Variants in KAZN observed in about 807,000 individuals in gnomAD.
KAZN encodes kazrin, periplakin interacting protein, also known as kazrin.
In KAZN, 40 loss-of-function variants were observed where a neutral mutation model predicts 87.4. That is an observed-to-expected ratio of 0.46 (90% CI 0.36 to 0.60). The LOEUF is 0.60. Ranked by LOEUF, KAZN falls within the 20% of genes least tolerant of loss-of-function variation. The probability of loss-of-function intolerance (pLI) is 0.00; values close to 1 mark genes in which losing one functional copy is unlikely to be tolerated. For synonymous variants in KAZN, 466 were observed against 458.3 expected (o/e 1.02, Z -0.22); for missense variants, 898 against 1,073.9 (o/e 0.84, Z 2.29).
chr1:15,004,535 G>T (rs190859906), intron 2 of KAZN, among the ~76,000 whole-genome samples: 1 of 152,192 alleles, frequency 6.6e-6, no homozygotes, highest in Non-Finnish European at 1.5e-5. Context: ...ACTTCTTCAG[G>T]GTGTTTTGAG....
At chr1:14,814,542 T>G (rs1365047422) in intron 1 of KAZN, among the ~76,000 whole-genome samples, 1 of 152,224 alleles carries the variant, frequency 6.6e-6, no homozygotes, top group Non-Finnish European at 1.5e-5. Flanking sequence ...TGGTCCCTGC[T>G]GCCAGTCTCT....
intron 2 of KAZN, among the ~76,000 whole-genome samples, chr1:14,551,017 T>C (rs970434276): frequency 6.6e-6 from 1 of 152,004 alleles, no homozygotes; most frequent in African/African-American, 2.4e-5. Context: ...CCCAGAAATA[T>C]TACTTTATCC....
intron 8 of KAZN, among the ~76,000 whole-genome samples, chr1:15,069,553 G>A (rs768341033): frequency 6.6e-6 from 1 of 152,220 alleles, no homozygotes; most frequent in Non-Finnish European, 1.5e-5. Context: ...CATGAACCCG[G>A]GAGTTGGAGC....
At chr1:14,504,085 C>T (rs1670421362) in intron 2 of KAZN, among the ~76,000 whole-genome samples, 1 of 152,222 alleles carries the variant, frequency 6.6e-6, no homozygotes, top group Admixed American at 6.5e-5. Flanking sequence ...GATTGACTCA[C>T]TCTAATCCAG....
intron 1 of KAZN, among the ~76,000 whole-genome samples, chr1:14,130,102 C>T (rs950374930): frequency 5.9e-5 from 9 of 152,244 alleles, no homozygotes; most frequent in Non-Finnish European, 2.9e-5. Context: ...TATCTTTCTG[C>T]TGACCATAAG....
chr1:14,943,151 G>A (rs1351542773), intron 1 of KAZN, among the ~76,000 whole-genome samples: 1 of 151,586 alleles, frequency 6.6e-6, no homozygotes, highest in African/African-American at 2.4e-5. Context: ...AGTGGAAACA[G>A]CGTTTGACCT....
intron 1 of KAZN, among the ~76,000 whole-genome samples, chr1:14,671,292 T>C (rs1639901164): frequency 1.3e-5 from 2 of 152,220 alleles, no homozygotes; most frequent in African/African-American, 4.8e-5. Context: ...GGTTAGAACA[T>C]CTGGTTGGTT....
At chr1:14,669,071 T>C (rs969891063) in intron 1 of KAZN, among the ~76,000 whole-genome samples, 1 of 152,220 alleles carries the variant, frequency 6.6e-6, no homozygotes, top group African/African-American at 2.4e-5. Flanking sequence ...AAGGTGTTTC[T>C]TCTATTGCTT....
intron 1 of KAZN, among the ~76,000 whole-genome samples, chr1:14,602,046 A>G (rs939024093): frequency 1.3e-5 from 2 of 152,182 alleles, no homozygotes; most frequent in African/African-American, 4.8e-5. Context: ...AAGCAAACTC[A>G]TCAATCCATC....
intron 1 of KAZN, among the ~76,000 whole-genome samples, chr1:14,153,638 A>G (rs962423406): frequency 6.6e-6 from 1 of 151,994 alleles, no homozygotes; most frequent in Non-Finnish European, 1.5e-5. Context: ...TTAGCCAGGC[A>G]TGGTGGTGCA....
At chr1:14,185,967 G>A (rs1646296744) in intron 2 of KAZN, among the ~76,000 whole-genome samples, 1 of 152,132 alleles carries the variant, frequency 6.6e-6, no homozygotes, top group Non-Finnish European at 1.5e-5. Flanking sequence ...ATGAGACTCA[G>A]AAAAAAGATT....
At chr1:14,985,202 G>C (rs1005875263) in intron 2 of KAZN, among the ~76,000 whole-genome samples, 1 of 145,680 alleles carries the variant, frequency 6.9e-6, no homozygotes, top group Non-Finnish European at 1.5e-5. Context: ...AATAAACATA[G>C]AGGGACTGGG....
chr1:14,758,733 T>G (rs2100532924), intron 1 of KAZN, among the ~76,000 whole-genome samples: 1 of 152,274 alleles, frequency 6.6e-6, no homozygotes, highest in East Asian at 1.9e-4. Context: ...GCTCTCCCAA[T>G]GCTTGTGCCT....
intron 1 of KAZN, among the ~76,000 whole-genome samples, chr1:14,745,337 C>T (rs564242415): frequency 2.0e-5 from 3 of 150,104 alleles, no homozygotes; most frequent in African/African-American, 4.9e-5. Context: ...TTAAATGGTA[C>T]GCAGCTCAAA....
intron 2 of KAZN, among the ~76,000 whole-genome samples, chr1:14,382,390 C>A (rs548200434): frequency 4.0e-5 from 6 of 150,812 alleles, no homozygotes; most frequent in African/African-American, 1.5e-4. Flanking sequence ...CATATGTATA[C>A]ATGTACCATG....
At chr1:14,898,034 C>T (rs1655451148) in intron 1 of KAZN, among the ~76,000 whole-genome samples, 1 of 152,158 alleles carries the variant, frequency 6.6e-6, no homozygotes, top group Non-Finnish European at 1.5e-5. Context: ...TTTGAAAGAA[C>T]TAAGTGAAAT....
intron 2 of KAZN, among the ~76,000 whole-genome samples, chr1:14,988,701 A>G (rs1397738961): frequency 1.3e-5 from 2 of 152,134 alleles, no homozygotes; most frequent in East Asian, 1.9e-4. Context: ...CACTCCACTG[A>G]TGCCCCCCCA....
At chr1:14,130,095 C>G (rs1280317251) in intron 1 of KAZN, among the ~76,000 whole-genome samples, 1 of 152,254 alleles carries the variant, frequency 6.6e-6, no homozygotes, top group African/African-American at 2.4e-5. Flanking sequence ...CTCTTATTAT[C>G]TTTCTGCTGA....
chr1:13,921,177 G>A (rs1410258852), intron 1 of KAZN, among the ~76,000 whole-genome samples: 1 of 152,072 alleles, frequency 6.6e-6, no homozygotes, highest in East Asian at 1.9e-4. Flanking sequence ...TTTATAATCA[G>A]TTTATCAATG....
Sources: allele counts gnomAD v4.1 joint callset (sites outside exome capture counted in the v4.1 genomes callset), GRCh38; gene constraint gnomAD v4.1.1; transcripts MANE v1.5; gene names NCBI Gene and HGNC (gene_info 2026-07-23, HGNC 2026-07-21).